DGKB: variants seen among roughly 807,000 people sequenced by gnomAD.
DGKB encodes the protein 90 kDa diacylglycerol kinase.
A neutral mutation model predicts 114.3 loss-of-function variants in DGKB; 67 were observed. That is an observed-to-expected ratio of 0.59 (90% CI 0.48 to 0.72). DGKB has a LOEUF of 0.72. DGKB is among the 30% of genes least tolerant of loss of function. The pLI, the probability that DGKB is intolerant of heterozygous loss-of-function variation, is 0.00. For synonymous variants in DGKB, 398 were observed against 323.1 expected (o/e 1.23, Z -2.49); for missense variants, 907 against 975.2 (o/e 0.93, Z 0.93).
In DGKB at chr7:14,216,557, C is replaced by T. The variant is rs558115484; in HGVS notation, c.2123-38406G>A. Among the ~76,000 whole-genome samples, 4 of 151,926 alleles carry T rather than the reference C, an allele frequency of 2.6e-5. No individual in the cohort carries two copies. The East Asian group carries it at 7.8e-4, about 30-fold the overall frequency. On this transcript the variant is annotated intron_variant, in intron 23 of 25. Transcript: ENST00000402815. The stretch of plus-strand genomic sequence containing the variant: ...CCTGGCCAACATGGTGAAACCCCAT[C>T]TCCAACAAAAATACAAAAATTAGCC...
At chr7:14,290,008 C>G (rs1272368867) in intron 23 of DGKB, among the ~76,000 whole-genome samples, 1 of 152,118 alleles carries the variant, frequency 6.6e-6, no homozygotes, top group Non-Finnish European at 1.5e-5. Flanking sequence ...ATGCTATATT[C>G]CAACCCAAAA....
intron 23 of DGKB, among the ~76,000 whole-genome samples, chr7:14,311,397 C>T (rs746671623): frequency 4.6e-5 from 7 of 152,040 alleles, no homozygotes; most frequent in Non-Finnish European, 1.5e-5. Flanking sequence ...CATCAACTGT[C>T]GCTTCACCCA....
At chr7:14,617,241 G>A (rs1420706114) in intron 15 of DGKB, among the ~76,000 whole-genome samples, 1 of 151,512 alleles carries the variant, frequency 6.6e-6, no homozygotes, top group Non-Finnish European at 1.5e-5. Flanking sequence ...ATATCTAACA[G>A]CAGCAGAAAT....
chr7:14,395,050 C>T (rs533494715), intron 21 of DGKB, among the ~76,000 whole-genome samples: 5 of 152,160 alleles, frequency 3.3e-5, no homozygotes, highest in African/African-American at 9.6e-5. Context: ...AGCAAATAGA[C>T]TCCTAATCAA....
chr7:14,587,146 T>C (rs1304913468), intron 17 of DGKB, among the ~76,000 whole-genome samples: 2 of 152,138 alleles, frequency 1.3e-5, no homozygotes, highest in African/African-American at 4.8e-5. Context: ...ATTAAGAACA[T>C]TCATAATTCA....
At chr7:14,220,567 A>C (rs1789772214) in intron 23 of DGKB, among the ~76,000 whole-genome samples, 1 of 151,528 alleles carries the variant, frequency 6.6e-6, no homozygotes, top group South Asian at 2.1e-4. Context: ...TGGATACTCC[A>C]ACTTTGTTAA....
intron 14 of DGKB, among the ~76,000 whole-genome samples, chr7:14,624,741 T>C (rs1808262754): frequency 6.6e-6 from 1 of 152,168 alleles, no homozygotes; most frequent in Admixed American, 6.6e-5. Flanking sequence ...CTCACACCTG[T>C]AATCCCAGCA....
chr7:14,186,084 C>G (rs1783384642), intron 23 of DGKB, among the ~76,000 whole-genome samples: 1 of 152,118 alleles, frequency 6.6e-6, no homozygotes, highest in Non-Finnish European at 1.5e-5. Flanking sequence ...AACAGACAAC[C>G]CACAAAGTGG....
intron 5 of DGKB, among the ~76,000 whole-genome samples, chr7:14,728,118 C>T (rs1368217707): frequency 6.6e-6 from 1 of 152,146 alleles, no homozygotes; most frequent in Non-Finnish European, 1.5e-5. Flanking sequence ...ATATGTGTAG[C>T]ATCACAGTGC....
chr7:14,951,178 T>G (rs1330530196), intron 1 of DGKB, among the ~76,000 whole-genome samples: 1 of 152,014 alleles, frequency 6.6e-6, no homozygotes, highest in Admixed American at 6.6e-5. Flanking sequence ...TTTTCCTTCC[T>G]GAGATGGGAA....
chr7:14,632,714 T>C (rs137984997), intron 13 of DGKB, among the ~76,000 whole-genome samples: 333 of 151,912 alleles, frequency 2.2e-3, no homozygotes, highest in African/African-American at 7.5e-3. Context: ...ACTATTTTCA[T>C]GGAAACAGAG....
At chr7:14,500,545 C>A (rs1302452074) in intron 20 of DGKB, among the ~76,000 whole-genome samples, 4 of 151,098 alleles carry the variant, frequency 2.6e-5, no homozygotes, top group Non-Finnish European at 5.9e-5. Context: ...AGTAGCATTT[C>A]CATATATTTG....
rs1423273070 is a variant in DGKB at position 14,212,396 on chromosome 7, CAT to C, written c.2123-34247_2123-34246del. Reference sequence around the variant, plus strand: ...TCTCGTGTTTTGTGATATTTACTCTCATGTTTTGTGATTTTACTCTCGTGTTT... The same window carrying C: ...TCTCGTGTTTTGTGATATTTACTCTCGTTTTGTGATTTTACTCTCGTGTTT... On this transcript the variant is annotated intron_variant, in intron 23 of 25. Coordinates refer to ENST00000402815, the MANE Select transcript of DGKB (RefSeq NM_001350709.2). Among the ~76,000 whole-genome samples the C allele has an allele frequency of 2.6e-3, 166 of 64,580 alleles. 53 individuals are homozygous for C. The highest frequency in any genetic ancestry group is 3.4e-3 in the African/African-American group (69 of 20,480). The allele number at this position is 64,580 out of a possible 152,430, so 42.4% of individuals were successfully genotyped here.
At chr7:14,457,765 ATTGC>A (rs1832488758) in intron 21 of DGKB, among the ~76,000 whole-genome samples, 3 of 152,216 alleles carry the variant, frequency 2.0e-5, no homozygotes, top group Admixed American at 1.3e-4. Flanking sequence ...CCTATGACAG[ATTGC>A]TAACATTTTA....
intron 1 of DGKB, among the ~76,000 whole-genome samples, chr7:14,973,877 ATACT>A (rs1787642329): frequency 6.7e-6 from 1 of 148,292 alleles, no homozygotes; most frequent in Non-Finnish European, 1.5e-5. Flanking sequence ...TAAATTTAAG[ATACT>A]TAAATTTATA....
intron 17 of DGKB, among the ~76,000 whole-genome samples, chr7:14,603,397 T>C (rs1803922682): frequency 6.6e-6 from 1 of 152,138 alleles, no homozygotes; most frequent in African/African-American, 2.4e-5. Flanking sequence ...GAGGATTCTG[T>C]TCATTTCTGT....
intron 20 of DGKB, among the ~76,000 whole-genome samples, chr7:14,511,856 C>T (rs527521407): frequency 1.4e-4 from 22 of 151,878 alleles, no homozygotes; most frequent in Non-Finnish European, 2.6e-4. Context: ...GAGAAGAAGG[C>T]GAAACAGAGG....
chr7:14,463,890 T>C (rs1162659563), intron 21 of DGKB, among the ~76,000 whole-genome samples: 1 of 152,210 alleles, frequency 6.6e-6, no homozygotes, highest in Non-Finnish European at 1.5e-5. Flanking sequence ...TGATGAGTTT[T>C]ATTGTAGTCT....
chr7:14,908,808 T>C (rs1276462060), intron 1 of DGKB, among the ~76,000 whole-genome samples: 1 of 152,198 alleles, frequency 6.6e-6, no homozygotes, highest in Non-Finnish European at 1.5e-5. Flanking sequence ...TCAAAATGCA[T>C]ATACATATAG....
Sources: gnomAD v4.1 joint callset for allele counts (sites outside exome capture counted in the v4.1 genomes callset) on GRCh38, gnomAD v4.1.1 for gene constraint, MANE v1.5 for transcripts, NCBI Gene and HGNC (gene_info 2026-07-23, HGNC 2026-07-21) for gene names.